The following PLXNB1 variants were observed in gnomAD, a reference collection of about 807,000 sequenced individuals.
The protein encoded by PLXNB1 is plexin B1, also known as plexin-B1.
PLXNB1 carries 106 observed loss-of-function variants against 209.4 expected under a neutral mutation model. That is an observed-to-expected ratio of 0.51 (90% CI 0.43 to 0.59). The LOEUF (loss-of-function observed/expected upper bound fraction) is 0.59. Among genes scored for constraint, PLXNB1 ranks in the 20% least tolerant of loss-of-function variants. PLXNB1 has a pLI of 0.00. For missense variants in PLXNB1, 2,357 were observed against 2,853.2 expected (o/e 0.83, Z 3.96); for synonymous variants, 1,167 against 1,183.2 (o/e 0.99, Z 0.28).
intron 6 of PLXNB1, 140 bp from the exon 7 acceptor site, chr3:48,421,946 G>T: frequency 7.3e-7 from 1 of 1,371,592 alleles, no homozygotes; most frequent in South Asian, 1.4e-5. Flanking sequence ...CCCTGGCAGG[G>T]CACTGATGCC....
In PLXNB1 at chr3:48,411,708, T is replaced by C. The variant is rs1270131740; in HGVS notation, c.5247+155A>G. ...AAACTGCTATCCTGCTAAGCTAGTC[T>C]GATGGGCTCTCTCCAGGAGCCAGCC... On this transcript the variant is annotated intron_variant, in intron 28 of 37. Coordinates refer to ENST00000296440, the MANE Select transcript of PLXNB1 (RefSeq NM_001130082.3). This position sits in a 1 kb window ranked among gnomAD's most constrained non-coding sequence, Gnocchi z 4.0. Among the ~76,000 whole-genome samples the C allele has an allele frequency of 6.6e-6, 1 of 152,186 alleles. No individual in the cohort carries two copies. The highest frequency in any genetic ancestry group is 1.9e-4 in the East Asian group (1 of 5,196).
rs2038514226 is a variant in PLXNB1, at chr3:48,421,480, C to T, written c.1654-96G>A. The T allele has an allele frequency of 3.7e-6, 5 of 1,366,406 alleles. No homozygotes were observed. The East Asian group carries it at 1.2e-4, about 32-fold the overall frequency. The allele number at this position is 1,366,406 out of a possible 1,614,324, so 84.6% of individuals were successfully genotyped here. On this transcript the variant is annotated intron_variant, in intron 7 of 37. Coordinates refer to ENST00000296440, the MANE Select transcript of PLXNB1 (RefSeq NM_001130082.3). The stretch of plus-strand genomic sequence containing the variant: ...CCCAATGTGGGCAGGCACCAGCAAT[C>T]AACAGCCCTCAGGCCTCCCCAAACA...
chr3:48,412,104 G>A (rs755972401), intron 27 of PLXNB1, 95 bp from the exon 28 acceptor site: 52 of 1,494,894 alleles, frequency 3.5e-5, no homozygotes, highest in Non-Finnish European at 4.5e-5. Flanking sequence ...ATGGGCTTAA[G>A]GGGACTGAGG....
chr3:48,419,323 C>T lies in PLXNB1; in HGVS notation c.2753G>A (p.Ser918Asn), dbSNP rs1252557225. Residue 918 changes from serine to asparagine, a missense_variant, in exon 12 of 38, where the codon AGC becomes AAC. Ser to Asn is a conservative substitution (Grantham distance 46). Transcript: ENST00000296440. This position sits in a 1 kb window ranked among gnomAD's most constrained non-coding sequence, Gnocchi z 5.7. ...CGGCATCAACGTGGAGCCCTGAACG[C>T]TCTCCACACAGGGGCAGGAGCTTGC... ...LGASSCPCVE[S>N]VQGSTLMPVH... 1.3e-6 allele frequency: 2 copies of T among 1,593,810 alleles called. No individual in the cohort carries two copies. Among genetic ancestry groups the T allele is most frequent in the Admixed American group, 1.7e-5 (1 of 58,098 alleles).
chr3:48,421,455 C>G, intron 7 of PLXNB1, 71 bp from the exon 8 acceptor site: 1 of 1,465,186 alleles, frequency 6.8e-7, no homozygotes, highest in South Asian at 1.4e-5. Flanking sequence ...TTATGGGACA[C>G]CCAATGTGGG....
Position 48,409,233 on chromosome 3 carries a change from C to G in PLXNB1, c.6087+96G>C, listed in dbSNP as rs1420759314. On this transcript the variant is annotated intron_variant, in intron 34 of 37. Transcript: ENST00000296440. The surrounding 1 kb of genome is among the most constrained non-coding windows in gnomAD (Gnocchi z 5.8). Reference sequence around the variant, plus strand: ...GGGAGGTCAGAGGTCTCCCCTAAGCCCTCCTTGAAGTTCTCAGAAAAGCCT... The same window carrying G: ...GGGAGGTCAGAGGTCTCCCCTAAGCGCTCCTTGAAGTTCTCAGAAAAGCCT... The G allele has an allele frequency of 6.8e-7, 1 of 1,460,492 alleles. No individual in the cohort carries two copies. The highest frequency in any genetic ancestry group is 9.3e-7 in the Non-Finnish European group (1 of 1,070,108). 90.5% of individuals were successfully genotyped at this position (1,460,492 alleles called of 1,614,324 possible).
rs964501784 is a variant in PLXNB1 at position 48,406,839 on chromosome 3, A to G, written c.6212T>C (p.Leu2071Pro). ...AGGCCTTACCCAGGACAGTTCAGCC[A>G]GGACAGAGTTCATCTCTTGGTCGCT... ...PASDQEMNSV[L>P]AELSWNYSGD... The change falls in exon 36 of 38, where the codon CTG (leucine) becomes CCG (proline). Residue 2071 changes from leucine (L) to proline (P), a missense_variant. Around this residue, in one of 7 missense-constraint regions of PLXNB1, gnomAD observed 414 missense variants for 520.5 expected, o/e 0.80. Coordinates refer to ENST00000296440, the MANE Select transcript of PLXNB1 (RefSeq NM_001130082.3). This position sits in a 1 kb window ranked among gnomAD's most constrained non-coding sequence, Gnocchi z 4.4. 8.1e-6 allele frequency: 13 copies of G among 1,611,490 alleles called. No individual in the cohort carries two copies. Among genetic ancestry groups the G allele is most frequent in the Non-Finnish European group, 1.1e-5 (13 of 1,178,754 alleles).
rs971300802 is a variant in PLXNB1 at position 48,404,354 on chromosome 3, G to A, written c.*132C>T. On this transcript the variant is annotated 3_prime_UTR_variant, in exon 38 of 38. Transcript: ENST00000296440. ...GCAGGGCCGAGGCCAGAGCCACCAG[G>A]AGACTGGGAGTCACCTTCCACTAAC... 3.6e-5 allele frequency: 22 copies of A among 617,720 alleles called. No homozygotes were observed. The highest frequency in any genetic ancestry group is 5.9e-5 in the Non-Finnish European group (21 of 353,796). 38.3% of individuals were successfully genotyped at this position (617,720 alleles called of 1,614,324 possible).
chr3:48,415,615 G>C lies in PLXNB1; in HGVS notation c.3762C>G (p.Ile1254Met). The C allele has an allele frequency of 6.3e-7, 1 of 1,584,418 alleles. No homozygotes were observed. The highest frequency in any genetic ancestry group is 8.6e-7 in the Non-Finnish European group (1 of 1,165,044). Reference sequence around the variant, plus strand: ...AGCTCTTGGTGGGGCCAGCAGAGGTGATGTTGGGGTCCAAGGTATACTTGA... The same window carrying C: ...AGCTCTTGGTGGGGCCAGCAGAGGTCATGTTGGGGTCCAAGGTATACTTGA... ...GQFKYTLDPNITSAGPTKSFL... is the reference protein window; with the variant it reads ...GQFKYTLDPNMTSAGPTKSFL... Residue 1254 changes from isoleucine to methionine, a missense_variant, in exon 19 of 38, where the codon ATC (isoleucine) becomes ATG (methionine). Ile to Met is a conservative substitution (Grantham distance 10, BLOSUM62 1). Transcript: ENST00000296440. The surrounding 1 kb of genome is among the most constrained non-coding windows in gnomAD (Gnocchi z 5.0).
Position 48,419,254 on chromosome 3 carries a change from T to C in PLXNB1, c.2822A>G (p.His941Arg). 6.3e-7 allele frequency: 1 copy of C among 1,580,486 alleles called. No homozygotes were observed. Among genetic ancestry groups the C allele is most frequent in the Non-Finnish European group, 8.6e-7 (1 of 1,160,744 alleles). ...REIRLLGRNL[H>R]LFQDGPGDNE... is the part of the protein sequence containing the mutation. ...GCAGGACACACTGACCTGGAAAAGG[T>C]GCAGGTTCCTGCCTAGCAGCCGGAT... The change falls in exon 12 of 38, where the codon CAC (histidine) becomes CGC (arginine). Residue 941 changes from histidine (H) to arginine (R), a missense_variant. By Grantham distance (29) the His-to-Arg change is conservative. Coordinates refer to ENST00000296440, the MANE Select transcript of PLXNB1 (RefSeq NM_001130082.3). This position sits in a 1 kb window ranked among gnomAD's most constrained non-coding sequence, Gnocchi z 5.7.
At chr3:48,426,864 C>G (rs945975317) in intron 1 of PLXNB1, among the ~76,000 whole-genome samples, 1 of 152,162 alleles carries the variant, frequency 6.6e-6, no homozygotes, top group Non-Finnish European at 1.5e-5. Flanking sequence ...CCAAGAGCCC[C>G]CCACCTAGTT....
chr3:48,423,797 C>A lies in PLXNB1; in HGVS notation c.815G>T (p.Arg272Leu), dbSNP rs61729213. The part of the protein sequence containing the change: ...VELPLACEGG[R>L]YGLIQAAAVA... ...AGCTGCAGCCTGGATCAGCCCGTAGCGGCCACCTTCGCAGGCCAGAGGCAA... is the reference window on the plus strand; with the variant it reads ...AGCTGCAGCCTGGATCAGCCCGTAGAGGCCACCTTCGCAGGCCAGAGGCAA... Residue 272 changes from arginine to leucine, a missense_variant, in exon 3 of 38, where the codon CGC becomes CTC. Around this residue, in one of 7 missense-constraint regions of PLXNB1, gnomAD observed 404 missense variants for 443.6 expected, o/e 0.91. Coordinates refer to ENST00000296440, the MANE Select transcript of PLXNB1 (RefSeq NM_001130082.3). The A allele has an allele frequency of 6.2e-7, 1 of 1,613,846 alleles. No homozygotes were observed. Among genetic ancestry groups the A allele is most frequent in the African/African-American group, 1.3e-5 (1 of 74,936 alleles).
intron 1 of PLXNB1, among the ~76,000 whole-genome samples, chr3:48,427,565 G>A (rs1029571367): frequency 6.6e-6 from 1 of 151,986 alleles, no homozygotes; most frequent in African/African-American, 2.4e-5. Context: ...AGCCTCTGGG[G>A]CACCCCAGAG....
rs150634780 is a variant in PLXNB1 at position 48,405,765 on chromosome 3, G to A, written c.6262C>T (p.Leu2088=). The A allele has an allele frequency of 1.4e-4, 226 of 1,613,792 alleles. No homozygotes were observed. The Middle Eastern group carries it at 2.6e-3, about 19-fold the overall frequency. ...TTGATGTACTTGTAGAGTTCATGCA[G>A]GGCCACTCGCGCCCCGAGGTCTCCG... The part of the protein sequence containing the change: ...YSGDLGARVA[L]HELYKYINKY... The change falls in exon 37 of 38, where the codon CTG becomes TTG. Residue 2088 remains leucine, a synonymous_variant. Coordinates refer to ENST00000296440, the MANE Select transcript of PLXNB1 (RefSeq NM_001130082.3). This position sits in a 1 kb window ranked among gnomAD's most constrained non-coding sequence, Gnocchi z 5.0.
Position 48,422,780 on chromosome 3 carries a change from T to A in PLXNB1, c.1275A>T (p.Gln425His), listed in dbSNP as rs1265553498. The change falls in exon 4 of 38, where the codon CAA (glutamine) becomes CAT (histidine). Residue 425 changes from glutamine (Q) to histidine (H), a missense_variant. Physicochemically the swap from Gln to His is conservative, Grantham distance 24. Around this residue, in one of 7 missense-constraint regions of PLXNB1, gnomAD observed 404 missense variants for 443.6 expected, o/e 0.91. Coordinates refer to ENST00000296440, the MANE Select transcript of PLXNB1 (RefSeq NM_001130082.3). Reference sequence around the variant, plus strand: ...GTGGGCTCACCCTGTGCAGCTGCCCTTGACTATCACCCAGGAAAGCGATGG... The same window carrying A: ...GTGGGCTCACCCTGTGCAGCTGCCCATGACTATCACCCAGGAAAGCGATGG... ...GHTIAFLGDSQGQLHRVYLGP... is the reference protein window; with the variant it reads ...GHTIAFLGDSHGQLHRVYLGP... 6.2e-7 allele frequency: 1 copy of A among 1,613,988 alleles called. No individual in the cohort carries two copies. The highest frequency in any genetic ancestry group is 1.7e-5 in the Admixed American group (1 of 60,012).
chr3:48,413,962 G>A lies in PLXNB1; in HGVS notation c.4319C>T (p.Pro1440Leu), dbSNP rs2106819986. The change falls in exon 22 of 38, where the codon CCC becomes CTC. Residue 1440 changes from proline to leucine, a missense_variant. Pro to Leu is a moderately conservative substitution (Grantham distance 98). Transcript: ENST00000296440. This position sits in a 1 kb window ranked among gnomAD's most constrained non-coding sequence, Gnocchi z 5.4. ...LTRHHLYCEP[P>L]VEQPLPRHHA... ...GTGCCGTGGCAGGGGCTGCTCCACG[G>A]GGGGCTCGCAGTACAGGTGGTGCCG... The A allele has an allele frequency of 1.9e-6, 3 of 1,613,526 alleles. No homozygotes were observed. The highest frequency in any genetic ancestry group is 1.7e-4 in the Middle Eastern group (1 of 6,060).
At chr3:48,423,032 C>T in intron 3 of PLXNB1, 85 bp from the exon 4 acceptor site, 2 of 1,217,456 alleles carry the variant, frequency 1.6e-6, no homozygotes. Context: ...ATTCCCTCCC[C>T]CAGCCGCTCT....
Position 48,413,771 on chromosome 3 carries a change from G to C in PLXNB1, c.4434C>G (p.Asp1478Glu). The C allele has an allele frequency of 6.2e-7, 1 of 1,613,848 alleles. No homozygotes were observed. The highest frequency in any genetic ancestry group is 2.2e-5 in the East Asian group (1 of 44,880). ...CAGGAAAAGCCCCAGGGCTCTCGCC[G>C]TCATACTGCACGTGACCCAGGGAGA... ...LRFSLGHVQY[D>E]GESPGAFPVA... The change falls in exon 23 of 38, where the codon GAC becomes GAG. Residue 1478 changes from aspartate to glutamate, a missense_variant. Physicochemically the swap from Asp to Glu is conservative, Grantham distance 45. Around this residue, in one of 7 missense-constraint regions of PLXNB1, gnomAD observed 743 missense variants for 896.2 expected, o/e 0.83. Transcript: ENST00000296440. This position sits in a 1 kb window ranked among gnomAD's most constrained non-coding sequence, Gnocchi z 5.4.
chr3:48,405,879 G>T lies in PLXNB1; in HGVS notation c.6229-81C>A. On this transcript the variant is annotated intron_variant, in intron 36 of 37. Coordinates refer to ENST00000296440, the MANE Select transcript of PLXNB1 (RefSeq NM_001130082.3). The surrounding 1 kb of genome is among the most constrained non-coding windows in gnomAD (Gnocchi z 5.0). ...GAGGCAGCCCAGGACCCCAGGGAAG[G>T]GCTGGGGGAGAAGGGGACCTGAGAG... 8.9e-7 allele frequency: 1 copy of T among 1,120,054 alleles called. No individual in the cohort carries two copies. The highest frequency in any genetic ancestry group is 1.3e-6 in the Non-Finnish European group (1 of 745,952). The allele number at this position is 1,120,054 out of a possible 1,614,324, so 69.4% of individuals were successfully genotyped here.
Sources: allele counts gnomAD v4.1 joint callset (sites outside exome capture counted in the v4.1 genomes callset), GRCh38; gene constraint gnomAD v4.1.1; regional missense constraint gnomAD v4.1.1; non-coding constraint Gnocchi (gnomAD v3.1); transcripts MANE v1.5; gene names NCBI Gene and HGNC (gene_info 2026-07-23, HGNC 2026-07-21).